The following PCDHA6 variants were observed in gnomAD, a reference collection of about 807,000 sequenced individuals.
PCDHA6 encodes the protein protocadherin alpha 6.
In PCDHA6, 55 loss-of-function variants were observed where a neutral mutation model predicts 60.3. The observed-to-expected ratio is 0.91, with a 90% CI of 0.73 to 1.14. The LOEUF (loss-of-function observed/expected upper bound fraction) is 1.14. PCDHA6 is among the 50% of genes most tolerant of loss of function. PCDHA6 has a pLI of 0.00. For missense variants in PCDHA6, 1,327 were observed against 1,256.5 expected (o/e 1.06, Z -0.85); for synonymous variants, 652 against 557.9 (o/e 1.17, Z -2.38).
At position 140,997,696 on chromosome 5, in the gene PCDHA6, GTA is replaced by G. The variant is rs1328869274; in HGVS notation, c.2543-11929_2543-11928del. On this transcript the variant is annotated intron_variant, in intron 3 of 3. Transcript: ENST00000529310. ...TGTGTGTGTGTGTGTGTGTGTGTGT[GTA>G]TGTTAACAAACACCTTTCTACGTCA... Among the ~76,000 whole-genome samples, 208 of 148,602 alleles carry G rather than the reference GTA, an allele frequency of 1.4e-3. 1 individual carries two copies. Among genetic ancestry groups the G allele is most frequent in the African/African-American group, 4.8e-3 (197 of 40,710 alleles).
intron 3 of PCDHA6, among the ~76,000 whole-genome samples, chr5:140,989,886 C>T (rs954644773): frequency 1.3e-5 from 2 of 151,784 alleles, no homozygotes. Flanking sequence ...CACTTGGAGT[C>T]TCCGTTATTC....
Position 140,828,286 on chromosome 5 carries a change from G to T in PCDHA6, c.195G>T (p.Arg65Ser), listed in dbSNP as rs1479873419. ...ELAELVPRLF[R>S]MASKDREDLL... ...CGGAGCTGGTGCCGCGCCTGTTCAG[G>T]ATGGCCTCCAAAGACCGCGAGGACC... The change falls in exon 1 of 4, where the codon AGG (arginine) becomes AGT (serine). Residue 65 changes from arginine to serine, a missense_variant. Transcript: ENST00000529310. 1 of 1,614,136 alleles carries T rather than the reference G, an allele frequency of 6.2e-7. No homozygotes were observed. Among genetic ancestry groups the T allele is most frequent in the Admixed American group, 1.7e-5 (1 of 60,032 alleles).
chr5:140,887,120 G>A (rs2061314160), intron 1 of PCDHA6, among the ~76,000 whole-genome samples: 1 of 148,878 alleles, frequency 6.7e-6, no homozygotes, highest in African/African-American at 2.5e-5. Context: ...TTTTTGAGAC[G>A]GAGTCTCACT....
chr5:140,939,388 A>C, intron 1 of PCDHA6, among the ~76,000 whole-genome samples: 1 of 152,232 alleles, frequency 6.6e-6, no homozygotes, highest in East Asian at 1.9e-4. Context: ...CATTCAGATC[A>C]TAGCAAGTTT....
chr5:140,884,499 C>T (rs782667822), intron 1 of PCDHA6: 1 of 1,614,062 alleles, frequency 6.2e-7, no homozygotes, highest in South Asian at 1.1e-5. Flanking sequence ...TGCTCCAGCG[C>T]GGCAGGGAGT....
Position 140,830,275 on chromosome 5 carries a change from C to A in PCDHA6, c.2184C>A (p.Thr728=), listed in dbSNP as rs147028446. ...YTALRCSAPP[T]EGACTADKPT... ...CGCTGCGGTGCTCGGCGCCACCCAC[C>A]GAGGGCGCGTGCACGGCGGACAAGC... The change falls in exon 1 of 4, where the codon ACC becomes ACA. Residue 728 remains threonine (T), a synonymous_variant. Transcript: ENST00000529310. The A allele has an allele frequency of 1.9e-6, 3 of 1,613,698 alleles. No individual in the cohort carries two copies. Among genetic ancestry groups the A allele is most frequent in the Non-Finnish European group, 2.5e-6 (3 of 1,179,866 alleles).
chr5:140,995,346 A>G (rs2097678208), intron 3 of PCDHA6, among the ~76,000 whole-genome samples: 2 of 151,964 alleles, frequency 1.3e-5, no homozygotes, highest in South Asian at 4.2e-4. Context: ...GACGGCATGG[A>G]TAGGTCGGAC....
At chr5:140,886,042 A>G (rs1450330062) in intron 1 of PCDHA6, among the ~76,000 whole-genome samples, 1 of 152,222 alleles carries the variant, frequency 6.6e-6, no homozygotes, top group African/African-American at 2.4e-5. Context: ...GTTTTCCCCA[A>G]TAGTAACATC....
At chr5:140,983,092 T>C (rs782172308) in intron 3 of PCDHA6, among the ~76,000 whole-genome samples, 4 of 152,178 alleles carry the variant, frequency 2.6e-5, no homozygotes, top group Non-Finnish European at 5.9e-5. Flanking sequence ...TCAAAGTCAA[T>C]CTGCTTCTCT....
intron 1 of PCDHA6, chr5:140,862,600 TTCG>T (rs1554156642): frequency 1.9e-6 from 1 of 513,664 alleles, no homozygotes; most frequent in East Asian, 5.2e-5. Context: ...GTACATGGTG[TTCG>T]TGAAAGGTAA....
chr5:140,883,511 C>T (rs782295526), intron 1 of PCDHA6: 22 of 1,614,068 alleles, frequency 1.4e-5, no homozygotes, highest in Non-Finnish European at 1.8e-5. Flanking sequence ...CGCCCTGGAC[C>T]GCGAGAGCGT....
chr5:140,836,745 C>T, intron 1 of PCDHA6: 1 of 1,588,116 alleles, frequency 6.3e-7, no homozygotes, highest in Non-Finnish European at 8.6e-7. Flanking sequence ...CAATGTGAGT[C>T]ATAAATAATC....
intron 3 of PCDHA6, among the ~76,000 whole-genome samples, chr5:141,001,306 A>C (rs1554258083): frequency 6.6e-6 from 1 of 152,174 alleles, no homozygotes; most frequent in African/African-American, 2.4e-5. Context: ...CAGAGATATG[A>C]AATAATTTGC....
In PCDHA6 at chr5:140,858,082, G is replaced by C; in HGVS notation, c.2394+27597G>C. 4 of 1,597,832 alleles carry C rather than the reference G, an allele frequency of 2.5e-6. 1 individual carries two copies. Among genetic ancestry groups the C allele is most frequent in the Non-Finnish European group, 3.4e-6 (4 of 1,167,698 alleles). ...AGGGCAGCCAGGCACCCAAGGCCTC[G>C]TCGCGGGCTTCAGTGGGCGTGGCGC... On this transcript the variant is annotated intron_variant, in intron 1 of 3. Transcript: ENST00000529310.
intron 1 of PCDHA6, among the ~76,000 whole-genome samples, chr5:140,932,599 A>G (rs2088459196): frequency 6.6e-6 from 1 of 151,912 alleles, no homozygotes; most frequent in Non-Finnish European, 1.5e-5. Context: ...TTGTATATCT[A>G]TTTTGACTTT....
At chr5:140,968,288 C>G in intron 1 of PCDHA6, 2 of 1,613,976 alleles carry the variant, frequency 1.2e-6, no homozygotes, top group South Asian at 2.2e-5. Flanking sequence ...GACCTACTCC[C>G]TTCTGGAGAG....
At chr5:140,849,723 G>A (rs1554143223) in intron 1 of PCDHA6, 1 of 1,598,414 alleles carries the variant, frequency 6.3e-7, no homozygotes. Flanking sequence ...GTTGGTGCTG[G>A]ACAGAGCTCT....
chr5:140,842,383 C>T, intron 1 of PCDHA6: 2 of 1,610,796 alleles, frequency 1.2e-6, no homozygotes, highest in Non-Finnish European at 1.7e-6. Context: ...CACTGACTTC[C>T]TTATCCTTGC....
At chr5:140,979,571 G>A (rs2096856939) in intron 2 of PCDHA6, among the ~76,000 whole-genome samples, 1 of 152,154 alleles carries the variant, frequency 6.6e-6, no homozygotes. Flanking sequence ...GCCATGTAAA[G>A]GGCTCCAAAT....
Sources: gnomAD v4.1 joint callset for allele counts (sites outside exome capture counted in the v4.1 genomes callset) on GRCh38, gnomAD v4.1.1 for gene constraint, MANE v1.5 for transcripts, NCBI Gene and HGNC (gene_info 2026-07-23, HGNC 2026-07-21) for gene names.